The following SLC45A3 variants were observed in gnomAD, a reference collection of about 807,000 sequenced individuals.
SLC45A3 encodes the protein prostate cancer associated protein 2.
SLC45A3 carries 17 observed loss-of-function variants against 35.3 expected under a neutral mutation model. The observed-to-expected ratio is 0.48, with a 90% CI of 0.33 to 0.72. SLC45A3 has a LOEUF of 0.72. Ranked by LOEUF, SLC45A3 falls within the 30% of genes least tolerant of loss-of-function variation. SLC45A3 has a pLI of 0.02. For missense variants in SLC45A3, 597 were observed against 731.7 expected (o/e 0.82, Z 2.12); for synonymous variants, 288 against 334.3 (o/e 0.86, Z 1.51).
intron 1 of SLC45A3, among the ~76,000 whole-genome samples, chr1:205,671,345 T>G (rs1421584697): frequency 6.6e-6 from 1 of 152,184 alleles, no homozygotes; most frequent in Admixed American, 6.5e-5. Flanking sequence ...GGGCATGCCC[T>G]CCAAACCAGG....
intron 4 of SLC45A3, among the ~76,000 whole-genome samples, chr1:205,660,580 A>G (rs1671001972): frequency 6.6e-6 from 1 of 152,272 alleles, no homozygotes. Context: ...GACAGCGTGC[A>G]GTGCCAAGTC....
Position 205,664,046 on chromosome 1 carries a change from G to T in SLC45A3, c.173-428C>A, listed in dbSNP as rs1414309590. On this transcript the variant is annotated intron_variant, in intron 2 of 4. Coordinates refer to ENST00000367145, the MANE Select transcript of SLC45A3 (RefSeq NM_033102.3). The surrounding 1 kb of genome is among the most constrained non-coding windows in gnomAD (Gnocchi z 5.3). ...TGTCCTAGGGGTAGGAGCAAGCTCC[G>T]GCTGGGAGACCTTGATGGAGTCCCA... Among the ~76,000 whole-genome samples the T allele has an allele frequency of 6.6e-6, 1 of 152,124 alleles. No individual in the cohort carries two copies. Among genetic ancestry groups the T allele is most frequent in the African/African-American group, 2.4e-5 (1 of 41,424 alleles).
chr1:205,679,652 A>C (rs1362643970), intron 1 of SLC45A3, among the ~76,000 whole-genome samples: 1 of 151,110 alleles, frequency 6.6e-6, no homozygotes, highest in Non-Finnish European at 1.5e-5. Context: ...CTCCCCACAG[A>C]GGGGGAAACT....
chr1:205,664,426 TC>T lies in SLC45A3; in HGVS notation c.172+58del. 1 of 1,590,684 alleles carries T rather than the reference TC, an allele frequency of 6.3e-7. No individual in the cohort carries two copies. The highest frequency in any genetic ancestry group is 1.7e-5 in the Admixed American group (1 of 59,214). On this transcript the variant is annotated intron_variant, in intron 2 of 4. Transcript: ENST00000367145. This position sits in a 1 kb window ranked among gnomAD's most constrained non-coding sequence, Gnocchi z 5.3. ...AGCTCCCAGGGCAGAGGTACTCCTG[TC>T]CCACATGCCAGGTGGCATGTATCTG...
intron 1 of SLC45A3, among the ~76,000 whole-genome samples, chr1:205,674,506 G>A (rs1671276733): frequency 6.8e-6 from 1 of 146,490 alleles, no homozygotes; most frequent in Admixed American, 6.9e-5. Context: ...TGAATCGCTT[G>A]AACCTGGGAG....
chr1:205,658,647 G>C lies in SLC45A3; in HGVS notation c.*587C>G, dbSNP rs562919363. 5.1e-5 allele frequency: 12 copies of C among 233,772 alleles called. No individual in the cohort carries two copies. In the East Asian group the frequency reaches 6.0e-4, roughly 12 times the overall value. 14.5% of individuals were successfully genotyped at this position (233,772 alleles called of 1,614,324 possible). ...CCACATCCTGATAAAAGGTAAGAGG[G>C]GGGTGGATCAGCAAAAAGACAGTGC... On this transcript the variant is annotated 3_prime_UTR_variant, in exon 5 of 5. Transcript: ENST00000367145.
At chr1:205,674,100 G>A (rs892231813) in intron 1 of SLC45A3, among the ~76,000 whole-genome samples, 4 of 152,114 alleles carry the variant, frequency 2.6e-5, no homozygotes, top group East Asian at 1.9e-4. Context: ...ACGTGAGGGG[G>A]TGGGACCCAA....
At chr1:205,679,006 AGGC>A (rs1671356411) in intron 1 of SLC45A3, among the ~76,000 whole-genome samples, 1 of 152,124 alleles carries the variant, frequency 6.6e-6, no homozygotes, top group Non-Finnish European at 1.5e-5. Flanking sequence ...GTCTACACCA[AGGC>A]GGTCTCTGCT....
At chr1:205,671,731 C>T (rs551430185) in intron 1 of SLC45A3, among the ~76,000 whole-genome samples, 18 of 152,086 alleles carry the variant, frequency 1.2e-4, no homozygotes, top group Non-Finnish European at 2.5e-4. Flanking sequence ...CCAGACATAG[C>T]GGCACATACC....
intron 1 of SLC45A3, among the ~76,000 whole-genome samples, chr1:205,672,363 T>C (rs1671231981): frequency 1.3e-5 from 2 of 152,072 alleles, no homozygotes; most frequent in African/African-American, 4.8e-5. Context: ...GGAGGAAGGC[T>C]GAGAAGGGAG....
chr1:205,678,143 C>A (rs954726675), intron 1 of SLC45A3, among the ~76,000 whole-genome samples: 1 of 152,028 alleles, frequency 6.6e-6, no homozygotes, highest in Non-Finnish European at 1.5e-5. Context: ...ATGGTAAAAC[C>A]CTGTATCTAC....
chr1:205,667,314 C>G (rs1051244161), intron 1 of SLC45A3, among the ~76,000 whole-genome samples: 1 of 152,162 alleles, frequency 6.6e-6, no homozygotes, highest in Non-Finnish European at 1.5e-5. Context: ...CGAGACCAGC[C>G]CGGCCAACGT....
intron 1 of SLC45A3, among the ~76,000 whole-genome samples, chr1:205,672,384 G>A (rs561653126): frequency 1.9e-4 from 29 of 152,250 alleles, no homozygotes; most frequent in African/African-American, 7.0e-4. Flanking sequence ...GTAGAAGGTG[G>A]GACAAAGATC....
Position 205,661,986 on chromosome 1 carries a change from C to A in SLC45A3, c.1099G>T (p.Gly367Cys). 1 of 1,613,922 alleles carries A rather than the reference C, an allele frequency of 6.2e-7. No homozygotes were observed. Among genetic ancestry groups the A allele is most frequent in the Non-Finnish European group, 8.5e-7 (1 of 1,180,012 alleles). The part of the protein sequence containing the change: ...ASVAAFPVAA[G>C]ATCLSHSVAV... ...ACACTGTGGGACAGGCATGTGGCAC[C>A]GGCAGCCACAGGGAAAGCTGCCACA... The change falls in exon 4 of 5, where the codon GGT becomes TGT. Residue 367 changes from glycine (G) to cysteine (C), a missense_variant. Around this residue, in one of 3 missense-constraint regions of SLC45A3, gnomAD observed 555 missense variants for 664.9 expected, o/e 0.83. Transcript: ENST00000367145.
At chr1:205,665,207 A>G (rs747653043) in intron 1 of SLC45A3, among the ~76,000 whole-genome samples, 14 of 152,060 alleles carry the variant, frequency 9.2e-5, no homozygotes, top group Non-Finnish European at 1.6e-4. Context: ...AATCAAACCA[A>G]CTGAATTTTT....
At position 205,662,580 on chromosome 1, in the gene SLC45A3, C is replaced by T. The variant is rs943239495; in HGVS notation, c.958+253G>A. On this transcript the variant is annotated intron_variant, in intron 3 of 4. Transcript: ENST00000367145. The surrounding 1 kb of genome is among the most constrained non-coding windows in gnomAD (Gnocchi z 6.2). ...CCACTCCCTCTAGACTTTGAATAAG[C>T]TCCGCCTTTCCTTCTGTCAAACTGG... 3.0e-6 allele frequency: 4 copies of T among 1,329,836 alleles called. No individual in the cohort carries two copies. The African/African-American group carries it at 4.4e-5, about 15-fold the overall frequency. The allele number at this position is 1,329,836 out of a possible 1,614,324, so 82.4% of individuals were successfully genotyped here.
chr1:205,671,289 C>T (rs1671211192), intron 1 of SLC45A3, among the ~76,000 whole-genome samples: 1 of 152,222 alleles, frequency 6.6e-6, no homozygotes, highest in African/African-American at 2.4e-5. Flanking sequence ...CTGGGCCTCC[C>T]AATCACACTT....
chr1:205,679,507 C>A (rs1193207833), intron 1 of SLC45A3, among the ~76,000 whole-genome samples: 2 of 152,104 alleles, frequency 1.3e-5, no homozygotes, highest in Non-Finnish European at 2.9e-5. Flanking sequence ...TTCTAGCAAG[C>A]CTGCCTAGGC....
chr1:205,666,421 T>C lies in SLC45A3; in HGVS notation c.-230-1535A>G, dbSNP rs1057029900. ...TACTTAAGAGGCTGAGATGGGAGGA[T>C]TGCTTGAGCCTGGGAGGTCAAGGGT... On this transcript the variant is annotated intron_variant, in intron 1 of 4. Coordinates refer to ENST00000367145, the MANE Select transcript of SLC45A3 (RefSeq NM_033102.3). The surrounding 1 kb of genome is among the most constrained non-coding windows in gnomAD (Gnocchi z 4.1). Among the ~76,000 whole-genome samples, 7 of 152,030 alleles carry C rather than the reference T, an allele frequency of 4.6e-5. No individual in the cohort carries two copies. The highest frequency in any genetic ancestry group is 1.0e-4 in the Non-Finnish European group (7 of 67,974).
Sources: gnomAD v4.1 joint callset for allele counts (sites outside exome capture counted in the v4.1 genomes callset) on GRCh38, gnomAD v4.1.1 for gene constraint, gnomAD v4.1.1 regional missense constraint, Gnocchi (gnomAD v3.1) non-coding constraint, MANE v1.5 for transcripts, NCBI Gene and HGNC (gene_info 2026-07-23, HGNC 2026-07-21) for gene names.